FNDC1: variants seen among roughly 807,000 people sequenced by gnomAD.
FNDC1 encodes fibronectin type III domain-containing protein 1.
A neutral mutation model predicts 168.0 loss-of-function variants in FNDC1; 96 were observed. The observed-to-expected ratio is 0.57, with a 90% CI of 0.48 to 0.68. The LOEUF (loss-of-function observed/expected upper bound fraction) is 0.68, where lower values mean the gene tolerates loss of function less well. Among genes scored for constraint, FNDC1 ranks in the 30% least tolerant of loss-of-function variants. The pLI, the probability that FNDC1 is intolerant of heterozygous loss-of-function variation, is 0.00. For missense variants in FNDC1, 2,587 were observed against 2,482.1 expected (o/e 1.04, Z -0.90); for synonymous variants, 1,099 against 1,025.9 (o/e 1.07, Z -1.36).
chr6:159,269,205 A>ATATC lies in FNDC1; in HGVS notation c.5569+1320_5569+1323dup, dbSNP rs148868340. Among the ~76,000 whole-genome samples, 304 of 115,690 alleles carry ATATC rather than the reference A, an allele frequency of 2.6e-3. 14 individuals carry two copies. Among genetic ancestry groups the ATATC allele is most frequent in the Middle Eastern group, 9.3e-3 (2 of 214 alleles). The allele number at this position is 115,690 out of a possible 152,430, so 75.9% of individuals were successfully genotyped here. On this transcript the variant is annotated intron_variant, in intron 22 of 22. Transcript: ENST00000297267. ...GTATCCATCCATTATCTACCTATTC[A>ATATC]TATCTATCTATCTATCTATCTATCT...
chr6:159,219,307 C>G (rs564861968), intron 5 of FNDC1, among the ~76,000 whole-genome samples: 1 of 152,222 alleles, frequency 6.6e-6, no homozygotes, highest in East Asian at 1.9e-4. Context: ...TCCCAAAATG[C>G]TGGGGATTGC....
In FNDC1 at chr6:159,269,281, TATCTATCTATCCATCC is replaced by T. The variant is rs1340250892; in HGVS notation, c.5569+1359_5569+1374del. ...TCATCTATCTATCTATCTATCTATC[TATCTATCTATCCATCC>T]ATCCATCTATCCTATCTATTTATCT... is the stretch of plus-strand genomic sequence containing the variant. On this transcript the variant is annotated intron_variant, in intron 22 of 22. Transcript: ENST00000297267. Among the ~76,000 whole-genome samples, 70 of 57,210 alleles carry T rather than the reference TATCTATCTATCCATCC, an allele frequency of 1.2e-3. 2 individuals are homozygous for T. The highest frequency in any genetic ancestry group is 3.0e-3 in the Non-Finnish European group (52 of 17,548). The allele number at this position is 57,210 out of a possible 152,430, so 37.5% of individuals were successfully genotyped here.
At position 159,232,480 on chromosome 6, in the gene FNDC1, C is replaced by T; in HGVS notation, c.1968C>T (p.Ser656=). 1 of 1,612,400 alleles carries T rather than the reference C, an allele frequency of 6.2e-7. No homozygotes were observed. The highest frequency in any genetic ancestry group is 8.5e-7 in the Non-Finnish European group (1 of 1,179,192). Residue 656 remains serine (S), a synonymous_variant, in exon 11 of 23, where the codon TCC becomes TCT. Transcript: ENST00000297267. This position sits in a 1 kb window ranked among gnomAD's most constrained non-coding sequence, Gnocchi z 4.9. ...DSDEDERAVG[S]LHPKGAFAQP... ...ACGAAGATGAGCGCGCTGTGGGCTC[C>T]CTCCACCCCAAGGGCGCCTTCGCCC... is the stretch of plus-strand genomic sequence containing the variant.
intron 4 of FNDC1, 46 bp downstream of exon 4, chr6:159,200,627 T>C (rs1782358940): frequency 6.9e-7 from 1 of 1,454,372 alleles, no homozygotes; most frequent in Non-Finnish European, 9.4e-7. Flanking sequence ...CACTGAAGCA[T>C]CGTCTCGCAA....
intron 22 of FNDC1, among the ~76,000 whole-genome samples, chr6:159,268,988 ATT>A (rs1777651843): frequency 8.9e-6 from 1 of 112,718 alleles, no homozygotes; most frequent in Non-Finnish European, 1.8e-5. Flanking sequence ...CCATGTATCT[ATT>A]TATCCATCCA....
chr6:159,236,121 T>A lies in FNDC1; in HGVS notation c.3968-94T>A, dbSNP rs1783250190. The A allele has an allele frequency of 3.0e-5, 22 of 725,878 alleles. No individual in the cohort carries two copies. The South Asian group carries it at 4.0e-4, about 13-fold the overall frequency. 45.0% of individuals were successfully genotyped at this position (725,878 alleles called of 1,614,324 possible). On this transcript the variant is annotated intron_variant, in intron 11 of 22. Transcript: ENST00000297267. ...TTCTGTTTAGAGCTTCTATTTGAAA[T>A]GATGTGTCACTACTAATAGTTTGGT...
intron 1 of FNDC1, among the ~76,000 whole-genome samples, chr6:159,187,682 G>C (rs537012380): frequency 3.9e-5 from 6 of 152,130 alleles, no homozygotes; most frequent in African/African-American, 1.4e-4. Flanking sequence ...GACTTCCAGG[G>C]TTTTCTTTTT....
intron 1 of FNDC1, among the ~76,000 whole-genome samples, chr6:159,174,240 G>A (rs147345982): frequency 6.6e-6 from 1 of 152,356 alleles, no homozygotes; most frequent in African/African-American, 2.4e-5. Context: ...CTGGGGGACA[G>A]TGGTGGATAC....
intron 8 of FNDC1, 65 bp downstream of exon 8, chr6:159,225,787 A>G: frequency 7.1e-7 from 1 of 1,412,784 alleles, no homozygotes; most frequent in Non-Finnish European, 9.7e-7. Context: ...AGATTTAAAG[A>G]CAATGTAAGA....
chr6:159,245,488 T>A (rs1783521810), intron 14 of FNDC1, among the ~76,000 whole-genome samples: 1 of 152,176 alleles, frequency 6.6e-6, no homozygotes, highest in Non-Finnish European at 1.5e-5. Flanking sequence ...TCCTACAATT[T>A]TTTTTTTAGC....
rs10616860 is a variant in FNDC1, at chr6:159,266,680, G to GTT, written c.5446+452_5446+453dup. Among the ~76,000 whole-genome samples, 101 of 144,068 alleles carry GTT rather than the reference G, an allele frequency of 7.0e-4. 1 individual carries two copies. Among genetic ancestry groups the GTT allele is most frequent in the Admixed American group, 1.9e-3 (28 of 14,686 alleles). The allele number at this position is 144,068 out of a possible 152,430, so 94.5% of individuals were successfully genotyped here. The stretch of plus-strand genomic sequence containing the variant: ...TCCAAAATTCTATTAGAAATCTAGG[G>GTT]TTTTTTTTTTTTTTTTTTGCCACTA... On this transcript the variant is annotated intron_variant, in intron 21 of 22. Coordinates refer to ENST00000297267, the MANE Select transcript of FNDC1 (RefSeq NM_032532.3).
intron 15 of FNDC1, among the ~76,000 whole-genome samples, chr6:159,248,746 C>G (rs1777191257): frequency 6.6e-6 from 1 of 152,216 alleles, no homozygotes; most frequent in Non-Finnish European, 1.5e-5. Context: ...TTCTAAGGTT[C>G]TCTCCAGCTC....
In FNDC1 at chr6:159,233,958, G is replaced by T. The variant is rs768076711; in HGVS notation, c.3446G>T (p.Arg1149Leu). 1 of 1,578,274 alleles carries T rather than the reference G, an allele frequency of 6.3e-7. No homozygotes were observed. The highest frequency in any genetic ancestry group is 2.3e-5 in the East Asian group (1 of 43,362). The change falls in exon 11 of 23, where the codon CGG (arginine) becomes CTG (leucine). Residue 1149 changes from arginine to leucine, a missense_variant. Transcript: ENST00000297267. This position sits in a 1 kb window ranked among gnomAD's most constrained non-coding sequence, Gnocchi z 4.6. ...SRPGGPQSRARVPSRAAPGKS... is the reference protein window; with the variant it reads ...SRPGGPQSRALVPSRAAPGKS... ...CCCGGCGGCCCCCAGTCCCGCGCCC[G>T]GGTACCCAGCAGGGCAGCGCCGGGG...
intron 9 of FNDC1, among the ~76,000 whole-genome samples, chr6:159,227,521 A>G (rs969373387): frequency 2.0e-5 from 3 of 152,098 alleles, no homozygotes; most frequent in Non-Finnish European, 4.4e-5. Flanking sequence ...ATGTTTGCTG[A>G]CATGTAGGAT....
At chr6:159,254,001 G>A (rs1777323239) in intron 17 of FNDC1, among the ~76,000 whole-genome samples, 2 of 152,200 alleles carry the variant, frequency 1.3e-5, no homozygotes, top group Non-Finnish European at 2.9e-5. Context: ...CGTGAGGAGG[G>A]CAGCAACTCT....
At chr6:159,173,608 A>G (rs1009832083) in intron 1 of FNDC1, among the ~76,000 whole-genome samples, 2 of 152,246 alleles carry the variant, frequency 1.3e-5, no homozygotes, top group Non-Finnish European at 2.9e-5. Context: ...TACCAAGACC[A>G]TTCACATCAT....
chr6:159,246,885 T>A lies in FNDC1; in HGVS notation c.4622-16T>A, dbSNP rs1481400076. On this transcript the variant is annotated splice_polypyrimidine_tract_variant and intron_variant, in intron 14 of 22. Transcript: ENST00000297267. ...AGGAGCGCTGGATGACTGGTCCTTT[T>A]CTCTGTCCTCACTAGATGAGTTCTC... 7.5e-6 allele frequency: 12 copies of A among 1,601,076 alleles called. No homozygotes were observed. Among genetic ancestry groups the A allele is most frequent in the African/African-American group, 1.3e-5 (1 of 74,768 alleles).
chr6:159,215,069 C>T lies in FNDC1; in HGVS notation c.585C>T (p.Leu195=), dbSNP rs371528220. The part of the protein sequence containing the change: ...AKSPRRSRGF[L]LGYGESGRKM... ...GTCCACGCAGATCACGGGGTTTTCTCCTGGGCTACGGGGAGAGTGGCCGGA... is the reference window on the plus strand; with the variant it reads ...GTCCACGCAGATCACGGGGTTTTCTTCTGGGCTACGGGGAGAGTGGCCGGA... Residue 195 remains leucine, a synonymous_variant, in exon 5 of 23, where the codon CTC becomes CTT. Transcript: ENST00000297267. 11 of 1,613,914 alleles carry T rather than the reference C, an allele frequency of 6.8e-6. No homozygotes were observed. Among genetic ancestry groups the T allele is most frequent in the Non-Finnish European group, 7.6e-6 (9 of 1,179,886 alleles).
At chr6:159,271,215 T>A in intron 22 of FNDC1, 112 bp from the exon 23 acceptor site, 1 of 720,530 alleles carries the variant, frequency 1.4e-6, no homozygotes, top group South Asian at 1.7e-5. Flanking sequence ...TAGCGTTTTG[T>A]CACAAGAACA....
Sources: gnomAD v4.1 joint callset for allele counts (sites outside exome capture counted in the v4.1 genomes callset) on GRCh38, gnomAD v4.1.1 for gene constraint, Gnocchi (gnomAD v3.1) non-coding constraint, MANE v1.5 for transcripts, NCBI Gene and HGNC (gene_info 2026-07-23, HGNC 2026-07-21) for gene names.